The following NEK11 variants were observed in gnomAD, a reference collection of about 807,000 sequenced individuals.
The protein encoded by NEK11 is serine/threonine-protein kinase Nek11.
NEK11 carries 72 observed loss-of-function variants against 80.7 expected under a neutral mutation model. That is an observed-to-expected ratio of 0.89 (90% CI 0.74 to 1.08). The LOEUF (loss-of-function observed/expected upper bound fraction) is 1.08, where lower values mean the gene tolerates loss of function less well. Ranked by LOEUF, NEK11 falls within the 50% of genes least tolerant of loss-of-function variation. NEK11 has a pLI of 0.00. For missense variants in NEK11, 764 were observed against 763.6 expected (o/e 1.00, Z -0.01); for synonymous variants, 251 against 260.7 (o/e 0.96, Z 0.36).
rs114390028 is a variant in NEK11, at chr3:131,339,743, T to C, written c.1719-9814T>C. ...AACAGGAACAGATTGCATGGAAGAATCATTAGTAGGCACCTGGAAGTGGCA... is the reference window on the plus strand; with the variant it reads ...AACAGGAACAGATTGCATGGAAGAACCATTAGTAGGCACCTGGAAGTGGCA... On this transcript the variant is annotated intron_variant, in intron 17 of 17. Transcript: ENST00000383366. 5.2e-3 allele frequency among the ~76,000 whole-genome samples: 792 copies of C among 152,304 alleles called. 5 individuals are homozygous for C. The highest frequency in any genetic ancestry group is 0.018 in the African/African-American group (737 of 41,544).
At chr3:131,057,955 T>C (rs907368502) in intron 3 of NEK11, among the ~76,000 whole-genome samples, 1 of 152,228 alleles carries the variant, frequency 6.6e-6, no homozygotes, top group African/African-American at 2.4e-5. Flanking sequence ...AGACATGAAG[T>C]CCTTGCCCAT....
intron 17 of NEK11, among the ~76,000 whole-genome samples, chr3:131,277,671 C>A (rs918857161): frequency 6.6e-6 from 1 of 152,160 alleles, no homozygotes; most frequent in African/African-American, 2.4e-5. Flanking sequence ...TTAATATATG[C>A]GATGTCAGGC....
chr3:131,091,436 T>G (rs1267539935), intron 4 of NEK11, among the ~76,000 whole-genome samples: 2 of 152,188 alleles, frequency 1.3e-5, no homozygotes, highest in Non-Finnish European at 2.9e-5. Context: ...ATAAAACTTT[T>G]ACCCACCTCT....
chr3:131,067,983 A>G (rs757320484), intron 3 of NEK11, among the ~76,000 whole-genome samples: 13 of 152,272 alleles, frequency 8.5e-5, no homozygotes, highest in South Asian at 6.2e-4. Flanking sequence ...GGCCTCTCTG[A>G]GTTCCAGTGT....
intron 4 of NEK11, among the ~76,000 whole-genome samples, chr3:131,095,892 G>T (rs1271112188): frequency 1.3e-5 from 2 of 152,058 alleles, no homozygotes; most frequent in Non-Finnish European, 2.9e-5. Flanking sequence ...ATTAAAATAG[G>T]ATCAGAGGTC....
chr3:131,129,214 C>G (rs879546912), intron 5 of NEK11, among the ~76,000 whole-genome samples: 22 of 152,056 alleles, frequency 1.4e-4, no homozygotes, highest in Admixed American at 1.4e-3. Context: ...CCAGGCCTGG[C>G]TAATTTTATT....
intron 4 of NEK11, among the ~76,000 whole-genome samples, chr3:131,098,305 G>T (rs1448221467): frequency 6.6e-6 from 1 of 152,196 alleles, no homozygotes; most frequent in Non-Finnish European, 1.5e-5. Flanking sequence ...ATTGACAAAT[G>T]CTATCTAATT....
At chr3:131,119,395 T>G (rs1173324971) in intron 5 of NEK11, among the ~76,000 whole-genome samples, 1 of 152,192 alleles carries the variant, frequency 6.6e-6, no homozygotes, top group African/African-American at 2.4e-5. Context: ...TCCAACTATG[T>G]GGTCAATTTT....
At chr3:131,194,730 T>C (rs1034360802) in intron 14 of NEK11, among the ~76,000 whole-genome samples, 5 of 152,178 alleles carry the variant, frequency 3.3e-5, no homozygotes, top group African/African-American at 1.2e-4. Context: ...TTTTCCCCTT[T>C]TATTTTTCTA....
intron 4 of NEK11, among the ~76,000 whole-genome samples, chr3:131,096,192 C>T (rs1373761722): frequency 2.0e-5 from 3 of 151,858 alleles, no homozygotes; most frequent in Admixed American, 6.6e-5. Context: ...CCTCCCTCCC[C>T]TATCTAGTAG....
rs151187968 is a variant in NEK11 at position 131,189,614 on chromosome 3, A to C, written c.1399+18727A>C. ...TCAATTTAGGGGAGACACAAACATT[A>C]AAACCAAACCATTTCCTTTATTCAC... is the stretch of plus-strand genomic sequence containing the variant. On this transcript the variant is annotated intron_variant, in intron 14 of 17. Coordinates refer to ENST00000383366, the MANE Select transcript of NEK11 (RefSeq NM_024800.5). Among the ~76,000 whole-genome samples, 798 of 152,342 alleles carry C rather than the reference A, an allele frequency of 5.2e-3. 7 individuals carry two copies. Among genetic ancestry groups the C allele is most frequent in the African/African-American group, 0.018 (742 of 41,576 alleles).
chr3:131,342,193 G>A (rs2110405294), intron 17 of NEK11, among the ~76,000 whole-genome samples: 1 of 152,302 alleles, frequency 6.6e-6, no homozygotes, highest in East Asian at 1.9e-4. Flanking sequence ...TGGAGAGAGA[G>A]CTGTTCTGTC....
At chr3:131,314,030 T>A (rs1331569442) in intron 17 of NEK11, among the ~76,000 whole-genome samples, 1 of 152,204 alleles carries the variant, frequency 6.6e-6, no homozygotes, top group Non-Finnish European at 1.5e-5. Flanking sequence ...GACATCTAAT[T>A]CTCTTTGTTT....
intron 16 of NEK11, among the ~76,000 whole-genome samples, chr3:131,249,992 GT>G (rs2095670308): frequency 6.6e-6 from 1 of 151,904 alleles, no homozygotes; most frequent in African/African-American, 2.4e-5. Flanking sequence ...ATCCACAAAA[GT>G]TTTTTAAAAT....
At chr3:131,167,977 C>A (rs1369954724) in intron 12 of NEK11, among the ~76,000 whole-genome samples, 3 of 152,224 alleles carry the variant, frequency 2.0e-5, no homozygotes, top group Non-Finnish European at 4.4e-5. Flanking sequence ...TTGATGGGGG[C>A]AGAAATGCTC....
intron 17 of NEK11, among the ~76,000 whole-genome samples, chr3:131,320,666 C>A (rs1264685761): frequency 6.6e-6 from 1 of 152,054 alleles, no homozygotes; most frequent in Non-Finnish European, 1.5e-5. Context: ...GGAAACAATG[C>A]CTCCCAGCTT....
intron 14 of NEK11, among the ~76,000 whole-genome samples, chr3:131,219,190 A>G (rs968720123): frequency 5.3e-5 from 8 of 152,216 alleles, no homozygotes; most frequent in Admixed American, 1.3e-4. Context: ...TGGCACATAT[A>G]TAACATGGAA....
intron 14 of NEK11, among the ~76,000 whole-genome samples, chr3:131,213,191 CCACA>C (rs3050805): frequency 1.3e-5 from 2 of 149,004 alleles, no homozygotes; most frequent in Non-Finnish European, 3.0e-5. Context: ...CCACCCATCT[CCACA>C]CACACACACA....
rs1292546231 is a variant in NEK11, at chr3:131,094,852, G to A, written c.336+14264G>A. Among the ~76,000 whole-genome samples, 3 of 152,050 alleles carry A rather than the reference G, an allele frequency of 2.0e-5. No individual in the cohort carries two copies. The South Asian group carries it at 6.2e-4, about 32-fold the overall frequency. On this transcript the variant is annotated intron_variant, in intron 4 of 17. Coordinates refer to ENST00000383366, the MANE Select transcript of NEK11 (RefSeq NM_024800.5). Reference sequence around the variant, plus strand: ...AGACAGTGGTTATAAACCATTTTAGGAATTTTAGAACAGACAGCCTGCCAG... The same window carrying A: ...AGACAGTGGTTATAAACCATTTTAGAAATTTTAGAACAGACAGCCTGCCAG...
Sources: allele counts gnomAD v4.1 joint callset (sites outside exome capture counted in the v4.1 genomes callset), GRCh38; gene constraint gnomAD v4.1.1; transcripts MANE v1.5; gene names NCBI Gene and HGNC (gene_info 2026-07-23, HGNC 2026-07-21).